The following KDM2B variants were observed in gnomAD, a reference collection of about 807,000 sequenced individuals.
The protein encoded by KDM2B is lysine demethylase 2B.
Under a neutral mutation model 150.0 loss-of-function variants are expected in KDM2B, and 26 were observed. That is an observed-to-expected ratio of 0.17 (90% confidence interval 0.13 to 0.24). The LOEUF (loss-of-function observed/expected upper bound fraction) is 0.24, where lower values mean the gene tolerates loss of function less well. Among genes scored for constraint, KDM2B ranks in the 10% least tolerant of loss-of-function variants. KDM2B has a pLI of 1.00. For synonymous variants in KDM2B, 734 were observed against 729.5 expected, an observed-to-expected ratio of 1.01 and a Z score of -0.10; for missense variants, 1,265 against 1,816.9, an observed-to-expected ratio of 0.70 and a Z score of 5.52.
Position 121,442,528 on chromosome 12 carries a change from C to T in KDM2B, c.2913G>A (p.Gln971=), listed in dbSNP as rs1387407413. Residue 971 remains glutamine, a synonymous_variant, in exon 19 of 23, where the codon CAG becomes CAA. Coordinates refer to ENST00000377071, the MANE Select transcript of KDM2B (RefSeq NM_032590.5). This position sits in a 1 kb window ranked among gnomAD's most constrained non-coding sequence, Gnocchi z 7.7. Reference sequence around the variant, plus strand: ...CGCTCTCAGGCTCCGACTTGATGGGCTGCTGGTTCTCGTTGGCCAGGCTGT... The same window carrying T: ...CGCTCTCAGGCTCCGACTTGATGGGTTGCTGGTTCTCGTTGGCCAGGCTGT... ...TENSLANENQ[Q]PIKSEPESEG... The T allele has an allele frequency of 6.3e-7, 1 of 1,599,618 alleles. No homozygotes were observed. Among genetic ancestry groups the T allele is most frequent in the Non-Finnish European group, 8.5e-7 (1 of 1,179,878 alleles).
At chr12:121,574,651 A>G (rs377461838) in intron 3 of KDM2B, 58 bp from the exon 4 acceptor site, 40 of 1,531,040 alleles carry the variant, frequency 2.6e-5, no homozygotes, top group Non-Finnish European at 3.5e-5. Flanking sequence ...GAGCTAGACT[A>G]CCCTGGGCCC....
intron 4 of KDM2B, among the ~76,000 whole-genome samples, chr12:121,566,435 A>G (rs782059303): frequency 6.6e-6 from 1 of 152,164 alleles, no homozygotes; most frequent in Non-Finnish European, 1.5e-5. Context: ...CATCCTGGCC[A>G]ATATGGTAAA....
chr12:121,492,653 C>T (rs1438645971), intron 12 of KDM2B, among the ~76,000 whole-genome samples: 1 of 151,326 alleles, frequency 6.6e-6, no homozygotes, highest in Non-Finnish European at 1.5e-5. Context: ...CATGGCAAAA[C>T]TCTGTCTCTA....
chr12:121,413,575 C>CTTTT, the KDM2B span, among the ~76,000 whole-genome samples: 1 of 108,742 alleles, frequency 9.2e-6, no homozygotes, highest in African/African-American at 4.3e-5. Context: ...CCATGCCCAG[C>CTTTT]TTTTTTTTTT....
In KDM2B at chr12:121,442,728, T is replaced by C. The variant is rs782244744; in HGVS notation, c.2713A>G (p.Arg905Gly). The stretch of plus-strand genomic sequence containing the variant: ...CTGGAGCGGGAGTGGTCGCTCTCCC[T>C]GGTCTTGGGGGGCGCCTCGGGCAGT... The part of the protein sequence containing the change: ...DELPEAPPKT[R>G]ESDHSRSSSP... Residue 905 changes from arginine to glycine, a missense_variant, in exon 19 of 23, where the codon AGG becomes GGG. Physicochemically the swap from Arg to Gly is moderately radical, Grantham distance 125. This residue lies in a region of KDM2B where 418 missense variants were observed against 402.4 expected (regional missense o/e 1.04). Transcript: ENST00000377071. This position sits in a 1 kb window ranked among gnomAD's most constrained non-coding sequence, Gnocchi z 7.7. The C allele has an allele frequency of 1.9e-6, 3 of 1,566,618 alleles. No individual in the cohort carries two copies. The highest frequency in any genetic ancestry group is 2.4e-5 in the South Asian group (2 of 83,658).
chr12:121,445,256 TC>T lies in KDM2B; in HGVS notation c.2103+18del, dbSNP rs1555289892. On this transcript the variant is annotated intron_variant, in intron 14 of 22. Coordinates refer to ENST00000377071, the MANE Select transcript of KDM2B (RefSeq NM_032590.5). ...TGCCCCAGAGCGTCAGCACCACCTG[TC>T]CCCACTGGGCCACTCACCTTAAGGC... 6.2e-7 allele frequency: 1 copy of T among 1,611,446 alleles called. No homozygotes were observed. Among genetic ancestry groups the T allele is most frequent in the East Asian group, 2.2e-5 (1 of 44,834 alleles).
chr12:121,416,301 A>G, the KDM2B span: 1 of 1,613,990 alleles, frequency 6.2e-7, no homozygotes, highest in Non-Finnish European at 8.5e-7. Context: ...TTTTCCACCT[A>G]CCCACCAGCA....
chr12:121,432,284 AATG>A (rs1873182111), intron 22 of KDM2B, among the ~76,000 whole-genome samples: 1 of 152,210 alleles, frequency 6.6e-6, no homozygotes, highest in Non-Finnish European at 1.5e-5. Flanking sequence ...TGCAAAATCC[AATG>A]ATGAAGGAAG....
chr12:121,438,682 C>T (rs1433208053), intron 22 of KDM2B, among the ~76,000 whole-genome samples: 7 of 152,082 alleles, frequency 4.6e-5, no homozygotes, highest in African/African-American at 1.7e-4. Context: ...CTCCCATGCC[C>T]CTGCTATGAG....
At chr12:121,461,793 T>C (rs1879155821) in intron 12 of KDM2B, among the ~76,000 whole-genome samples, 1 of 152,130 alleles carries the variant, frequency 6.6e-6, no homozygotes, top group African/African-American at 2.4e-5. Flanking sequence ...CTCAAACTAG[T>C]TAAGTCCGTG....
At chr12:121,551,179 G>A (rs1470657062) in intron 4 of KDM2B, among the ~76,000 whole-genome samples, 4 of 152,082 alleles carry the variant, frequency 2.6e-5, no homozygotes, top group Non-Finnish European at 5.9e-5. Flanking sequence ...TAACAGGCCC[G>A]TGGTCAATAT....
intron 8 of KDM2B, among the ~76,000 whole-genome samples, chr12:121,526,218 T>C (rs1887117482): frequency 6.6e-6 from 1 of 152,076 alleles, no homozygotes; most frequent in Non-Finnish European, 1.5e-5. Flanking sequence ...CTGGGTGTGG[T>C]GGCACACGCC....
chr12:121,420,347 A>G, the KDM2B span: 8 of 1,556,686 alleles, frequency 5.1e-6, no homozygotes, highest in Middle Eastern at 1.7e-4. Context: ...GAGGCCACCT[A>G]TAAAATTTGG....
chr12:121,542,594 T>C lies in KDM2B; in HGVS notation c.683+6283A>G, dbSNP rs78330602. On this transcript the variant is annotated intron_variant, in intron 6 of 22. Transcript: ENST00000377071. The stretch of plus-strand genomic sequence containing the variant: ...AAGCTCTGAAGTTTTAGAATAATTA[T>C]ACAGCAATAAGCAACTAATGCAGGA... 1.7e-3 allele frequency among the ~76,000 whole-genome samples: 266 copies of C among 152,368 alleles called. 5 individuals are homozygous for C. In the East Asian group the frequency reaches 0.038, roughly 22 times the overall value.
chr12:121,541,428 A>G (rs1425302319), intron 6 of KDM2B, among the ~76,000 whole-genome samples: 50 of 102,018 alleles, frequency 4.9e-4, no homozygotes, highest in African/African-American at 5.7e-4. Flanking sequence ...GGAAGGACGG[A>G]GGGAAGGAGG....
rs185490708 is a variant in KDM2B, at chr12:121,565,071, G to A, written c.397+9476C>T. Among the ~76,000 whole-genome samples, 140 of 152,048 alleles carry A rather than the reference G, an allele frequency of 9.2e-4. 1 individual carries two copies. The highest frequency in any genetic ancestry group is 3.3e-3 in the African/African-American group (137 of 41,462). ...TGGTCTCAAACTCCTAGACTCAAGC[G>A]ATCCTCCCTCCTAGGTCTCCGAAAG... is the stretch of plus-strand genomic sequence containing the variant. On this transcript the variant is annotated intron_variant, in intron 4 of 22. Coordinates refer to ENST00000377071, the MANE Select transcript of KDM2B (RefSeq NM_032590.5).
chr12:121,557,362 C>T (rs1889978027), intron 4 of KDM2B, among the ~76,000 whole-genome samples: 1 of 151,214 alleles, frequency 6.6e-6, no homozygotes, highest in Non-Finnish European at 1.5e-5. Flanking sequence ...CTCAACCTCC[C>T]GATTAGCTGG....
At chr12:121,516,615 G>C in intron 9 of KDM2B, 1 of 1,050,528 alleles carries the variant, frequency 9.5e-7, no homozygotes. Flanking sequence ...CAAAACAAAA[G>C]GCAAGGCAGT....
intron 6 of KDM2B, among the ~76,000 whole-genome samples, chr12:121,543,897 G>GCA (rs1555310151): frequency 1.2e-4 from 18 of 151,922 alleles, no homozygotes; most frequent in African/African-American, 3.9e-4. Flanking sequence ...CAAGGTCGGT[G>GCA]GACCACTTGA....
Sources: gnomAD v4.1 joint callset for allele counts (sites outside exome capture counted in the v4.1 genomes callset) on GRCh38, gnomAD v4.1.1 for gene constraint, gnomAD v4.1.1 regional missense constraint, Gnocchi (gnomAD v3.1) non-coding constraint, MANE v1.5 for transcripts, NCBI Gene and HGNC (gene_info 2026-07-23, HGNC 2026-07-21) for gene names.